Variants in DCLK2 observed in about 807,000 individuals in gnomAD.
The protein encoded by DCLK2 is serine/threonine-protein kinase DCLK2.
In DCLK2, 31 loss-of-function variants were observed where a neutral mutation model predicts 78.4. The ratio of observed to expected loss-of-function variants is 0.40; its 90% CI spans 0.30 to 0.53. The LOEUF (loss-of-function observed/expected upper bound fraction) is 0.53. DCLK2 is among the 20% of genes least tolerant of loss of function. The pLI is 0.61. For missense variants in DCLK2, 872 were observed against 973.7 expected (o/e 0.90, Z 1.39); for synonymous variants, 407 against 374.9 (o/e 1.09, Z -0.99).
intron 12 of DCLK2, among the ~76,000 whole-genome samples, chr4:150,245,346 G>A (rs1195852670): frequency 6.6e-6 from 1 of 152,156 alleles, no homozygotes; most frequent in Non-Finnish European, 1.5e-5. Flanking sequence ...ACCAGTGGGT[G>A]TCCATTCAGC....
At chr4:150,131,130 C>T (rs976547969) in intron 2 of DCLK2, among the ~76,000 whole-genome samples, 3 of 152,100 alleles carry the variant, frequency 2.0e-5, no homozygotes, top group Admixed American at 6.5e-5. Flanking sequence ...TCAAGCCATC[C>T]TCCTGCCTCA....
At chr4:150,109,349 T>TC (rs1286400594) in intron 2 of DCLK2, among the ~76,000 whole-genome samples, 3 of 150,636 alleles carry the variant, frequency 2.0e-5, no homozygotes, top group Non-Finnish European at 4.4e-5. Context: ...TTTTTTTTTT[T>TC]CTCTGAGACG....
Position 150,247,965 on chromosome 4 carries a change from A to G in DCLK2, c.1875+266A>G, listed in dbSNP as rs558998185. 2.6e-5 allele frequency among the ~76,000 whole-genome samples: 4 copies of G among 152,354 alleles called. No individual in the cohort carries two copies. In the South Asian group the frequency reaches 8.3e-4, roughly 32 times the overall value. On this transcript the variant is annotated intron_variant, in intron 13 of 15. Coordinates refer to ENST00000296550, the MANE Select transcript of DCLK2 (RefSeq NM_001040260.4). The stretch of plus-strand genomic sequence containing the variant: ...CCATTATTTCATTTACTCAAGAAAT[A>G]TGTATTGGGCACCCATCAGGATACA...
chr4:150,109,955 A>T (rs1188511077), intron 2 of DCLK2, among the ~76,000 whole-genome samples: 1 of 152,210 alleles, frequency 6.6e-6, no homozygotes, highest in African/African-American at 2.4e-5. Flanking sequence ...GAGTAATCTG[A>T]AAAGTGTGAA....
chr4:150,245,446 G>A (rs1040245114), intron 12 of DCLK2, among the ~76,000 whole-genome samples: 1 of 152,032 alleles, frequency 6.6e-6, no homozygotes, highest in Non-Finnish European at 1.5e-5. Flanking sequence ...GTATACATGC[G>A]TCATGCTGGT....
chr4:150,221,679 G>T lies in DCLK2; in HGVS notation c.1135G>T (p.Val379Leu). 1.3e-6 allele frequency: 2 copies of T among 1,590,502 alleles called. No homozygotes were observed. The highest frequency in any genetic ancestry group is 1.7e-6 in the Non-Finnish European group (2 of 1,171,206). ...ATTTGCATTTATCCTTTTTGCAGGTGTGAATGGAAACAGATGCTCTGAATC... is the reference window on the plus strand; with the variant it reads ...ATTTGCATTTATCCTTTTTGCAGGTTTGAATGGAAACAGATGCTCTGAATC... Reference protein sequence around the residue: ...ELDRCISPEGVNGNRCSESST... With the variant: ...ELDRCISPEGLNGNRCSESST... The change falls in exon 7 of 16, where the codon GTG becomes TTG. Residue 379 changes from valine (V) to leucine (L), a missense_variant and splice_region_variant. Val to Leu is a conservative substitution (Grantham distance 32). This residue lies in a region of DCLK2 where 567 missense variants were observed against 593.4 expected (regional missense o/e 0.96). Transcript: ENST00000296550.
intron 5 of DCLK2, among the ~76,000 whole-genome samples, chr4:150,213,795 A>G (rs1024954168): frequency 1.3e-5 from 2 of 152,228 alleles, no homozygotes; most frequent in Non-Finnish European, 2.9e-5. Context: ...TTGATCAGCA[A>G]GTCTAGAATT....
rs1199918205 is a variant in DCLK2, at chr4:150,175,129, A to ATT, written c.757-18008_757-18007insTT. On this transcript the variant is annotated intron_variant, in intron 2 of 15. Coordinates refer to ENST00000296550, the MANE Select transcript of DCLK2 (RefSeq NM_001040260.4). ...TTATATATTTATATTTTTTATATAT[A>ATT]TATAATTTATGTATATTTTATATAT... Among the ~76,000 whole-genome samples, 325 of 62,640 alleles carry ATT rather than the reference A, an allele frequency of 5.2e-3. 71 individuals carry two copies. The highest frequency in any genetic ancestry group is 0.013 in the African/African-American group (153 of 11,338). The allele number at this position is 62,640 out of a possible 152,430, so 41.1% of individuals were successfully genotyped here.
chr4:150,110,137 T>C (rs1280528800), intron 2 of DCLK2, among the ~76,000 whole-genome samples: 4 of 152,156 alleles, frequency 2.6e-5, no homozygotes, highest in Non-Finnish European at 4.4e-5. Context: ...GAGAAACAAT[T>C]TTAGCTTCCA....
At chr4:150,085,785 A>G (rs1346177208) in intron 1 of DCLK2, among the ~76,000 whole-genome samples, 1 of 152,174 alleles carries the variant, frequency 6.6e-6, no homozygotes, top group Non-Finnish European at 1.5e-5. Context: ...TAGCACCTTG[A>G]TCTTTGATGT....
Position 150,232,374 on chromosome 4 carries a change from G to A in DCLK2, c.1337G>A (p.Arg446Gln), listed in dbSNP as rs772172177. 14 of 1,614,012 alleles carry A rather than the reference G, an allele frequency of 8.7e-6. No homozygotes were observed. The highest frequency in any genetic ancestry group is 4.5e-5 in the East Asian group (2 of 44,892). Residue 446 changes from arginine to glutamine, a missense_variant, in exon 9 of 16, where the codon CGA becomes CAA. Arg to Gln is a conservative substitution (Grantham distance 43, BLOSUM62 1). Around this residue, in one of 3 missense-constraint regions of DCLK2, gnomAD observed 567 missense variants for 593.4 expected, o/e 0.96. Coordinates refer to ENST00000296550, the MANE Select transcript of DCLK2 (RefSeq NM_001040260.4). The part of the protein sequence containing the change: ...LIENEVSILR[R>Q]VKHPNIIMLV... The stretch of plus-strand genomic sequence containing the variant: ...GAGAATGAAGTGTCAATACTGCGCC[G>A]AGTGAAACATCCCAATATCATTATG...
At chr4:150,106,036 A>G (rs568941441) in intron 2 of DCLK2, among the ~76,000 whole-genome samples, 1 of 152,116 alleles carries the variant, frequency 6.6e-6, no homozygotes, top group Non-Finnish European at 1.5e-5. Context: ...ATTCATACAC[A>G]TTATGAGTTA....
chr4:150,251,799 A>G (rs1017362306), intron 15 of DCLK2, among the ~76,000 whole-genome samples: 1 of 142,764 alleles, frequency 7.0e-6, no homozygotes, highest in African/African-American at 2.7e-5. Flanking sequence ...ACTCTGTTAT[A>G]TGGATTGAGC....
intron 7 of DCLK2, among the ~76,000 whole-genome samples, chr4:150,223,740 T>A (rs1355755540): frequency 9.8e-6 from 1 of 102,420 alleles, no homozygotes; most frequent in Non-Finnish European, 2.0e-5. Context: ...CAAGACTCTC[T>A]CTCAATAAAT....
chr4:150,171,342 G>C (rs532974432), intron 2 of DCLK2, among the ~76,000 whole-genome samples: 1 of 152,178 alleles, frequency 6.6e-6, no homozygotes, highest in South Asian at 2.1e-4. Flanking sequence ...TTAGCTGGGC[G>C]TGGTAGTGGA....
At chr4:150,102,041 T>A (rs1341059637) in intron 1 of DCLK2, among the ~76,000 whole-genome samples, 1 of 152,190 alleles carries the variant, frequency 6.6e-6, no homozygotes, top group Non-Finnish European at 1.5e-5. Flanking sequence ...AAGAAATATA[T>A]TTGTATTTCT....
rs953437070 is a variant in DCLK2, at chr4:150,238,399, A to G, written c.1567-1343A>G. On this transcript the variant is annotated intron_variant, in intron 10 of 15. Coordinates refer to ENST00000296550, the MANE Select transcript of DCLK2 (RefSeq NM_001040260.4). ...AATTCTGAGATTAGCGTCCTTATAT[A>G]TAACGTTTGGGTCCATCTCTATTCC... 4.6e-5 allele frequency among the ~76,000 whole-genome samples: 7 copies of G among 152,140 alleles called. No homozygotes were observed. In the South Asian group the frequency reaches 8.3e-4, roughly 18 times the overall value.
chr4:150,106,744 G>T (rs1731283275), intron 2 of DCLK2, among the ~76,000 whole-genome samples: 1 of 152,206 alleles, frequency 6.6e-6, no homozygotes, highest in South Asian at 2.1e-4. Flanking sequence ...ATGATGGTGT[G>T]TCATGTGCCA....
intron 2 of DCLK2, among the ~76,000 whole-genome samples, chr4:150,163,100 G>A (rs1735821657): frequency 6.6e-6 from 1 of 151,970 alleles, no homozygotes; most frequent in Admixed American, 6.6e-5. Flanking sequence ...CCTATCTTTT[G>A]AAACCAGTCA....
Sources: allele counts gnomAD v4.1 joint callset (sites outside exome capture counted in the v4.1 genomes callset), GRCh38; gene constraint gnomAD v4.1.1; regional missense constraint gnomAD v4.1.1; transcripts MANE v1.5; gene names NCBI Gene and HGNC (gene_info 2026-07-23, HGNC 2026-07-21).